Variants in FAM163A observed in about 807,000 individuals in gnomAD.
FAM163A encodes family with sequence similarity 163 member A, also known as protein FAM163A.
FAM163A carries 7 observed loss-of-function variants against 12.0 expected under a neutral mutation model. That is an observed-to-expected ratio of 0.58 (90% confidence interval 0.33 to 1.10). The LOEUF is 1.10. Ranked by LOEUF, FAM163A falls within the 50% of genes least tolerant of loss-of-function variation. The pLI is 0.03. For synonymous variants in FAM163A, 101 were observed against 91.0 expected, an observed-to-expected ratio of 1.11 and a Z score of -0.62; for missense variants, 202 against 218.6, an observed-to-expected ratio of 0.92 and a Z score of 0.48.
chr1:179,776,490 CAA>C (rs57207957), intron 1 of FAM163A, among the ~76,000 whole-genome samples: 2 of 124,024 alleles, frequency 1.6e-5, no homozygotes. Flanking sequence ...GACTCCATTT[CAA>C]AAAAAAAAAA....
intron 1 of FAM163A, among the ~76,000 whole-genome samples, chr1:179,751,627 G>T (rs7535874): frequency 6.6e-6 from 1 of 151,770 alleles, no homozygotes. Flanking sequence ...GGGTGATTTT[G>T]TTCTGTTTTA....
the FAM163A span, among the ~76,000 whole-genome samples, chr1:179,735,648 C>T: frequency 7.4e-4 from 112 of 151,842 alleles, no homozygotes; most frequent in African/African-American, 2.7e-3. Context: ...GGACTACAGG[C>T]GCCCGCCACC....
At chr1:179,801,176 A>G (rs1693121973) in intron 1 of FAM163A, among the ~76,000 whole-genome samples, 1 of 152,172 alleles carries the variant, frequency 6.6e-6, no homozygotes, top group African/African-American at 2.4e-5. Context: ...CACATTGAGG[A>G]GACACCAACA....
intron 1 of FAM163A, among the ~76,000 whole-genome samples, chr1:179,751,420 A>T (rs1242876885): frequency 6.6e-6 from 1 of 152,192 alleles, no homozygotes; most frequent in African/African-American, 2.4e-5. Context: ...GCTGCTGAGG[A>T]GTGAATTAAG....
At chr1:179,789,462 G>A (rs1159394347) in intron 1 of FAM163A, among the ~76,000 whole-genome samples, 2 of 152,244 alleles carry the variant, frequency 1.3e-5, no homozygotes, top group African/African-American at 2.4e-5. Flanking sequence ...GATTACAGGC[G>A]TGAGCCACCG....
chr1:179,753,128 T>G (rs1266173865), intron 1 of FAM163A, among the ~76,000 whole-genome samples: 5 of 152,212 alleles, frequency 3.3e-5, no homozygotes, highest in Non-Finnish European at 5.9e-5. Flanking sequence ...GGAACATTAT[T>G]CAGCCTTTAA....
intron 1 of FAM163A, among the ~76,000 whole-genome samples, chr1:179,802,572 A>G (rs1002858081): frequency 1.3e-5 from 2 of 152,160 alleles, no homozygotes; most frequent in African/African-American, 4.8e-5. Flanking sequence ...CTGTGTTAAG[A>G]AATTTCAGGG....
chr1:179,766,043 A>G (rs988156985), intron 1 of FAM163A, among the ~76,000 whole-genome samples: 10 of 152,192 alleles, frequency 6.6e-5, no homozygotes, highest in African/African-American at 2.2e-4. Context: ...GGTTCCAGAA[A>G]TAAGCCTTGT....
the FAM163A span, among the ~76,000 whole-genome samples, chr1:179,737,458 A>T: frequency 3.3e-5 from 5 of 152,346 alleles, no homozygotes; most frequent in Admixed American, 6.5e-5. Context: ...ATAGTTAACA[A>T]TGCTGGACTG....
chr1:179,760,821 G>T (rs1001379425), intron 1 of FAM163A, among the ~76,000 whole-genome samples: 4 of 152,140 alleles, frequency 2.6e-5, no homozygotes, highest in Non-Finnish European at 5.9e-5. Context: ...ACCTCTCAAG[G>T]TTCATCTCTT....
chr1:179,761,796 A>G (rs1686853192), intron 1 of FAM163A, among the ~76,000 whole-genome samples: 1 of 151,968 alleles, frequency 6.6e-6, no homozygotes, highest in African/African-American at 2.4e-5. Context: ...TTTTTGGGTC[A>G]CTTCCTTTAA....
chr1:179,816,090 C>A lies in FAM163A; in HGVS notation c.*1901C>A, dbSNP rs1486792020. Reference sequence around the variant, plus strand: ...TGCCGGCCCAGAGCACTCCCTCTTGCCCTAATCCTGGCAGGGTCTGGATGT... The same window carrying A: ...TGCCGGCCCAGAGCACTCCCTCTTGACCTAATCCTGGCAGGGTCTGGATGT... On this transcript the variant is annotated 3_prime_UTR_variant, in exon 5 of 5. Coordinates refer to ENST00000341785, the MANE Select transcript of FAM163A (RefSeq NM_173509.3). 6.6e-6 allele frequency: 1 copy of A among 152,250 alleles called. No individual in the cohort carries two copies. The highest frequency in any genetic ancestry group is 1.9e-4 in the East Asian group (1 of 5,204). 9.4% of individuals were successfully genotyped at this position (152,250 alleles called of 1,614,324 possible).
chr1:179,810,547 C>A (rs944656475), intron 2 of FAM163A, among the ~76,000 whole-genome samples: 1 of 152,194 alleles, frequency 6.6e-6, no homozygotes, highest in African/African-American at 2.4e-5. Context: ...CTGCCCTCCC[C>A]ACCTTGTCTA....
At chr1:179,740,628 G>A (rs564930714), upstream of FAM163A, among the ~76,000 whole-genome samples, 15 of 152,222 alleles carry the variant, frequency 9.9e-5, no homozygotes, top group African/African-American at 3.6e-4. Context: ...ATATTGATAC[G>A]AAAGGATACA....
At chr1:179,801,297 AGCT>A in intron 1 of FAM163A, among the ~76,000 whole-genome samples, 1 of 152,128 alleles carries the variant, frequency 6.6e-6, no homozygotes, top group East Asian at 1.9e-4. Context: ...CCTGAGCCTC[AGCT>A]GGTTTTCAGG....
chr1:179,750,734 T>G (rs1685157892), intron 1 of FAM163A, among the ~76,000 whole-genome samples: 1 of 152,200 alleles, frequency 6.6e-6, no homozygotes, highest in Non-Finnish European at 1.5e-5. Context: ...ATTTTCTATT[T>G]CAAAAAGGTC....
intron 1 of FAM163A, among the ~76,000 whole-genome samples, chr1:179,806,689 G>C (rs1000088794): frequency 9.9e-5 from 15 of 152,206 alleles, no homozygotes; most frequent in African/African-American, 2.4e-4. Context: ...CCCCACCCAG[G>C]GGGGGCCTTT....
chr1:179,795,518 G>C (rs542960713), intron 1 of FAM163A, among the ~76,000 whole-genome samples: 8 of 152,320 alleles, frequency 5.3e-5, no homozygotes, highest in Non-Finnish European at 8.8e-5. Flanking sequence ...ACACTCCCTT[G>C]CTCACTCACC....
At chr1:179,786,377 C>T (rs1035200127) in intron 1 of FAM163A, among the ~76,000 whole-genome samples, 3 of 152,170 alleles carry the variant, frequency 2.0e-5, no homozygotes, top group Non-Finnish European at 2.9e-5. Flanking sequence ...TCCTATTCAA[C>T]CCCAGAGAAA....
Sources: allele counts gnomAD v4.1 joint callset (sites outside exome capture counted in the v4.1 genomes callset), GRCh38; gene constraint gnomAD v4.1.1; transcripts MANE v1.5; gene names NCBI Gene and HGNC (gene_info 2026-07-23, HGNC 2026-07-21).